Variants in CEP89 observed in about 807,000 individuals in gnomAD.
CEP89 encodes the protein centrosomal protein of 89 kDa.
Under a neutral mutation model 97.6 loss-of-function variants are expected in CEP89, and 95 were observed. That is an observed-to-expected ratio of 0.97 (90% confidence interval 0.82 to 1.15). The LOEUF is 1.15. Among genes scored for constraint, CEP89 ranks in the 50% most tolerant of loss-of-function variants. The probability of loss-of-function intolerance (pLI) is 0.00; values close to 1 mark genes in which losing one functional copy is unlikely to be tolerated. For missense variants in CEP89, 869 were observed against 947.7 expected (o/e 0.92, Z 1.09); for synonymous variants, 354 against 349.1 (o/e 1.01, Z -0.16).
At chr19:32,960,307 T>C (rs1238854505) in intron 2 of CEP89, among the ~76,000 whole-genome samples, 1 of 152,076 alleles carries the variant, frequency 6.6e-6, no homozygotes, top group Non-Finnish European at 1.5e-5. Context: ...ACCTAGCCAA[T>C]AGGAGGTAGA....
At chr19:32,900,244 T>A in intron 15 of CEP89, among the ~76,000 whole-genome samples, 1 of 114,258 alleles carries the variant, frequency 8.8e-6, no homozygotes, top group East Asian at 2.1e-4. Flanking sequence ...ATGAATAGGT[T>A]CATTTTTTTT....
intron 9 of CEP89, among the ~76,000 whole-genome samples, chr19:32,929,894 T>C (rs182134995): frequency 5.9e-5 from 9 of 152,284 alleles, no homozygotes; most frequent in Admixed American, 5.2e-4. Context: ...CTATGAAATG[T>C]TCAGAACAGA....
At chr19:32,902,305 A>C (rs373978798) in intron 14 of CEP89, among the ~76,000 whole-genome samples, 15 of 152,310 alleles carry the variant, frequency 9.8e-5, no homozygotes, top group African/African-American at 3.6e-4. Context: ...CGCAGCAGGA[A>C]TACACAACAA....
intron 12 of CEP89, among the ~76,000 whole-genome samples, chr19:32,919,924 G>T (rs1461428559): frequency 6.6e-6 from 1 of 152,230 alleles, no homozygotes; most frequent in African/African-American, 2.4e-5. Flanking sequence ...GGGATTACAG[G>T]CGTGAGCCAC....
chr19:32,940,400 C>T (rs1397938418), intron 5 of CEP89, among the ~76,000 whole-genome samples: 1 of 151,434 alleles, frequency 6.6e-6, no homozygotes, highest in African/African-American at 2.4e-5. Context: ...ACACATCTTC[C>T]CATGCCGGGC....
intron 2 of CEP89, 81 bp downstream of exon 2, chr19:32,966,279 G>A: frequency 1.6e-6 from 1 of 637,218 alleles, no homozygotes. Context: ...TACTTTTCTG[G>A]GCAGTTTGAG....
At chr19:32,911,091 C>T (rs1014065162) in intron 14 of CEP89, among the ~76,000 whole-genome samples, 4 of 152,130 alleles carry the variant, frequency 2.6e-5, no homozygotes, top group Non-Finnish European at 4.4e-5. Context: ...ACCACAAACA[C>T]GAGAGTAATG....
At chr19:32,942,824 G>A (rs1970714649) in intron 5 of CEP89, among the ~76,000 whole-genome samples, 1 of 151,614 alleles carries the variant, frequency 6.6e-6, no homozygotes, top group Non-Finnish European at 1.5e-5. Flanking sequence ...CTGCATACAA[G>A]GTGTCATGCT....
At chr19:32,966,655 G>T (rs1043866674) in intron 1 of CEP89, among the ~76,000 whole-genome samples, 189 bp from the exon 2 acceptor site, 20 of 152,076 alleles carry the variant, frequency 1.3e-4, no homozygotes, top group African/African-American at 1.9e-4. Context: ...CACAGCCAAG[G>T]AGCATCATGA....
At chr19:32,916,547 T>C (rs1484453854) in intron 13 of CEP89, among the ~76,000 whole-genome samples, 1 of 152,178 alleles carries the variant, frequency 6.6e-6, no homozygotes, top group African/African-American at 2.4e-5. Context: ...TTATTCTCCT[T>C]CCCTTTCGTC....
intron 18 of CEP89, among the ~76,000 whole-genome samples, chr19:32,880,432 A>T (rs1257719792): frequency 6.6e-6 from 1 of 152,078 alleles, no homozygotes; most frequent in African/African-American, 2.4e-5. Flanking sequence ...TATGTCTAAA[A>T]AAGCCCCAGC....
chr19:32,876,701 C>T lies in CEP89; in HGVS notation c.*2461G>A, dbSNP rs984595966. The stretch of plus-strand genomic sequence containing the variant: ...CTCTCTGCCTTGCCTGCCCCGCCCT[C>T]CTTGGCATCCTGGACTCGTGGCTTC... On this transcript the variant is annotated 3_prime_UTR_variant, in exon 19 of 19. Coordinates refer to ENST00000305768, the MANE Select transcript of CEP89 (RefSeq NM_032816.5). The T allele has an allele frequency of 2.6e-5, 4 of 152,580 alleles. No individual in the cohort carries two copies. The highest frequency in any genetic ancestry group is 4.4e-5 in the Non-Finnish European group (3 of 68,268). The allele number at this position is 152,580 out of a possible 1,614,324, so 9.5% of individuals were successfully genotyped here.
chr19:32,931,341 T>A, intron 9 of CEP89, 88 bp downstream of exon 9: 1 of 1,211,130 alleles, frequency 8.3e-7, no homozygotes, highest in South Asian at 1.6e-5. Context: ...CAAATTATAA[T>A]AAATAAGAAC....
intron 12 of CEP89, among the ~76,000 whole-genome samples, chr19:32,920,099 G>A (rs190161560): frequency 1.6e-4 from 24 of 152,182 alleles, no homozygotes; most frequent in African/African-American, 5.3e-4. Context: ...GTACAGTGGC[G>A]CCATCAGAGC....
At chr19:32,958,128 T>C (rs1318129408) in intron 3 of CEP89, among the ~76,000 whole-genome samples, 1 of 151,884 alleles carries the variant, frequency 6.6e-6, no homozygotes, top group Non-Finnish European at 1.5e-5. Flanking sequence ...TTAGAACGAT[T>C]TACTCGTTTT....
chr19:32,924,975 T>C (rs918887617), intron 11 of CEP89, among the ~76,000 whole-genome samples: 1 of 152,154 alleles, frequency 6.6e-6, no homozygotes, highest in Non-Finnish European at 1.5e-5. Flanking sequence ...GCTATTAGGA[T>C]TGTTATATAT....
chr19:32,949,243 GAC>G (rs1315755633), intron 4 of CEP89, among the ~76,000 whole-genome samples: 2 of 152,202 alleles, frequency 1.3e-5, no homozygotes, highest in Non-Finnish European at 2.9e-5. Context: ...ACATGGCAGG[GAC>G]ACAGAGTTGT....
intron 3 of CEP89, among the ~76,000 whole-genome samples, chr19:32,958,556 G>A (rs1274804119): frequency 6.6e-6 from 1 of 152,118 alleles, no homozygotes; most frequent in East Asian, 1.9e-4. Flanking sequence ...GCACACGCCT[G>A]TAATCCCAGC....
chr19:32,919,387 C>G (rs541602487), intron 12 of CEP89, among the ~76,000 whole-genome samples: 6 of 152,294 alleles, frequency 3.9e-5, no homozygotes, highest in African/African-American at 1.4e-4. Context: ...AGTTTATTTA[C>G]TAAAGCAGTA....
Sources: allele counts gnomAD v4.1 joint callset (sites outside exome capture counted in the v4.1 genomes callset), GRCh38; gene constraint gnomAD v4.1.1; transcripts MANE v1.5; gene names NCBI Gene and HGNC (gene_info 2026-07-23, HGNC 2026-07-21).